The following SNX27 variants were observed in gnomAD, a reference collection of about 807,000 sequenced individuals.
The protein encoded by SNX27 is sorting nexin 27, also known as sorting nexin-27.
A neutral mutation model predicts 71.6 loss-of-function variants in SNX27; 22 were observed. The ratio of observed to expected loss-of-function variants is 0.31; its 90% CI spans 0.22 to 0.44. SNX27 has a LOEUF of 0.44. Among genes scored for constraint, SNX27 ranks in the 20% least tolerant of loss-of-function variants. The pLI, the probability that SNX27 is intolerant of heterozygous loss-of-function variation, is 1.00. For synonymous variants in SNX27, 269 were observed against 277.2 expected, an observed-to-expected ratio of 0.97 and a Z score of 0.29; for missense variants, 531 against 698.6, an observed-to-expected ratio of 0.76 and a Z score of 2.70.
At chr1:151,618,963 G>A (rs1055161770) in intron 1 of SNX27, among the ~76,000 whole-genome samples, 1 of 151,516 alleles carries the variant, frequency 6.6e-6, no homozygotes, top group Admixed American at 6.6e-5. Context: ...TTAAAAAATT[G>A]CAGCTCATAG....
intron 6 of SNX27, among the ~76,000 whole-genome samples, 165 bp from the exon 7 acceptor site, chr1:151,668,307 C>T (rs1186386647): frequency 1.3e-5 from 2 of 152,216 alleles, no homozygotes; most frequent in African/African-American, 2.4e-5. Flanking sequence ...TTTGGCTGGA[C>T]AGATAAGGCT....
At chr1:151,679,595 A>T (rs1670849036) in intron 7 of SNX27, 1 of 152,220 alleles carries the variant, frequency 6.6e-6, no homozygotes. Flanking sequence ...GAGTTTTGAT[A>T]TTTGGTTATT....
At chr1:151,663,261 C>T (rs1174381876) in intron 5 of SNX27, among the ~76,000 whole-genome samples, 2 of 151,892 alleles carry the variant, frequency 1.3e-5, no homozygotes, top group Non-Finnish European at 2.9e-5. Flanking sequence ...CGCTATTCTC[C>T]TGCCTCAGCC....
chr1:151,693,125 T>C, intron 10 of SNX27, 86 bp downstream of exon 10: 1 of 1,512,688 alleles, frequency 6.6e-7, no homozygotes. Context: ...GAGAGAGAGA[T>C]AGAGCTAGTA....
chr1:151,650,755 G>T (rs865913675), intron 2 of SNX27, among the ~76,000 whole-genome samples: 2 of 150,146 alleles, frequency 1.3e-5, no homozygotes, highest in East Asian at 1.9e-4. Context: ...GCGGCCTTCC[G>T]CAGTGTTTGT....
chr1:151,680,358 G>T (rs892440009), intron 7 of SNX27: 2 of 152,074 alleles, frequency 1.3e-5, no homozygotes, highest in Non-Finnish European at 2.9e-5. Context: ...GTTTCAACAT[G>T]TTGGCCAGGC....
chr1:151,688,574 GTGAGC>G (rs1671293726), intron 8 of SNX27, among the ~76,000 whole-genome samples: 1 of 150,220 alleles, frequency 6.7e-6, no homozygotes, highest in Non-Finnish European at 1.5e-5. Context: ...GGAGGTTGCA[GTGAGC>G]TGAGATCATG....
At position 151,640,505 on chromosome 1, in the gene SNX27, G is replaced by C. The variant is rs1013097053; in HGVS notation, c.543+1386G>C. On this transcript the variant is annotated intron_variant, in intron 2 of 11. Coordinates refer to ENST00000458013, the MANE Select transcript of SNX27 (RefSeq NM_001330723.2). ...CAATTCTGCCTCAGCCTCCCAAGTA[G>C]CTGGGATTACAGGTGCGCACCACCA... Among the ~76,000 whole-genome samples the C allele has an allele frequency of 1.2e-4, 19 of 152,160 alleles. No individual in the cohort carries two copies. In the East Asian group the frequency reaches 2.9e-3, roughly 23 times the overall value.
intron 2 of SNX27, among the ~76,000 whole-genome samples, chr1:151,656,005 C>T (rs1455078061): frequency 1.3e-5 from 2 of 152,054 alleles, no homozygotes; most frequent in African/African-American, 2.4e-5. Flanking sequence ...GGGTGGATCA[C>T]GAGCTCAAGA....
intron 2 of SNX27, among the ~76,000 whole-genome samples, chr1:151,652,304 T>C (rs1053135981): frequency 6.6e-6 from 1 of 151,946 alleles, no homozygotes; most frequent in South Asian, 2.1e-4. Flanking sequence ...CTTTAGATAA[T>C]TTTTATGGAC....
intron 1 of SNX27, chr1:151,615,895 C>CTTACCAA: frequency 1.2e-6 from 1 of 865,094 alleles, no homozygotes; most frequent in Non-Finnish European, 1.4e-6. Context: ...CTTTTAAAGT[C>CTTACCAA]GGCTTACCAA....
chr1:151,623,065 C>T (rs949629680), intron 1 of SNX27, among the ~76,000 whole-genome samples: 1 of 151,024 alleles, frequency 6.6e-6, no homozygotes. Flanking sequence ...CTCCCCCTCC[C>T]AGGTCCAAGT....
At position 151,662,170 on chromosome 1, in the gene SNX27, A is replaced by T; in HGVS notation, c.806A>T (p.Tyr269Phe). The T allele has an allele frequency of 6.2e-7, 1 of 1,611,918 alleles. No individual in the cohort carries two copies. The highest frequency in any genetic ancestry group is 8.5e-7 in the Non-Finnish European group (1 of 1,178,214). Residue 269 changes from tyrosine to phenylalanine, a missense_variant, in exon 5 of 12, where the codon TAC becomes TTC. Physicochemically the swap from Tyr to Phe is conservative, Grantham distance 22. Around this residue, in one of 5 missense-constraint regions of SNX27, gnomAD observed 184 missense variants for 289.6 expected, o/e 0.64. Coordinates refer to ENST00000458013, the MANE Select transcript of SNX27 (RefSeq NM_001330723.2). Reference protein sequence around the residue: ...QEFLSESDENYNGVSDVELRV... With the variant: ...QEFLSESDENFNGVSDVELRV... ...TCTCTATGTCTTTTCCCCCAGAACTACAATGGTGTGTCCGACGTAGAGCTG... is the reference window on the plus strand; with the variant it reads ...TCTCTATGTCTTTTCCCCCAGAACTTCAATGGTGTGTCCGACGTAGAGCTG...
At chr1:151,692,330 C>G in intron 8 of SNX27, 105 bp from the exon 9 acceptor site, 2 of 1,355,282 alleles carry the variant, frequency 1.5e-6, no homozygotes, top group Non-Finnish European at 1.9e-6. Context: ...ACTCTTTGTT[C>G]TTTTTCTTGC....
intron 6 of SNX27, among the ~76,000 whole-genome samples, chr1:151,667,779 A>AT (rs1670272720): frequency 7.0e-6 from 1 of 143,352 alleles, no homozygotes; most frequent in South Asian, 2.2e-4. Context: ...GTGAGCCGAG[A>AT]TCCCGCCACT....
At position 151,612,188 on chromosome 1, in the gene SNX27, C is replaced by T. The variant is rs1259747904; in HGVS notation, c.-14C>T. The T allele has an allele frequency of 7.5e-7, 1 of 1,337,154 alleles. No homozygotes were observed. The allele number at this position is 1,337,154 out of a possible 1,614,324, so 82.8% of individuals were successfully genotyped here. ...AGGCGTAGGGGGCGGGGGTACGGCT[C>T]GCCTGCTCGCAAGATGGCGGACGAG... On this transcript the variant is annotated 5_prime_UTR_variant, in exon 1 of 12. Transcript: ENST00000458013. This position sits in a 1 kb window ranked among gnomAD's most constrained non-coding sequence, Gnocchi z 5.2.
intron 1 of SNX27, among the ~76,000 whole-genome samples, chr1:151,625,909 C>T (rs918702276): frequency 6.6e-6 from 1 of 151,788 alleles, no homozygotes. Context: ...GATCAGGCCA[C>T]TGCATTCCAG....
chr1:151,618,598 C>T (rs1667534501), intron 1 of SNX27, among the ~76,000 whole-genome samples: 1 of 152,146 alleles, frequency 6.6e-6, no homozygotes, highest in Non-Finnish European at 1.5e-5. Flanking sequence ...GGCCTGTTAC[C>T]ATGCTCTCAA....
chr1:151,696,627 CCCTTCCTT>C lies in SNX27; in HGVS notation c.*2219_*2226del, dbSNP rs1354530573. 2 of 136,664 alleles carry C rather than the reference CCCTTCCTT, an allele frequency of 1.5e-5. No individual in the cohort carries two copies. Among genetic ancestry groups the C allele is most frequent in the Non-Finnish European group, 3.1e-5 (2 of 63,612 alleles). 8.5% of individuals were successfully genotyped at this position (136,664 alleles called of 1,614,324 possible). A position where few individuals can be genotyped will look rare whatever the true frequency, so the allele number is the denominator to read the frequency against. ...ATCATTGTGAGGCCACTTTTCTTTCCCCTTCCTTCCTTCCTTTTTTTCTGTTTTTTTTT... is the reference window on the plus strand; with the variant it reads ...ATCATTGTGAGGCCACTTTTCTTTCCCCTTCCTTTTTTTCTGTTTTTTTTT... On this transcript the variant is annotated 3_prime_UTR_variant, in exon 12 of 12. Coordinates refer to ENST00000458013, the MANE Select transcript of SNX27 (RefSeq NM_001330723.2).
Sources: allele counts gnomAD v4.1 joint callset (sites outside exome capture counted in the v4.1 genomes callset), GRCh38; gene constraint gnomAD v4.1.1; regional missense constraint gnomAD v4.1.1; non-coding constraint Gnocchi (gnomAD v3.1); transcripts MANE v1.5; gene names NCBI Gene and HGNC (gene_info 2026-07-23, HGNC 2026-07-21).